The following HAPLN1 variants were observed in gnomAD, a reference collection of about 807,000 sequenced individuals.
The protein encoded by HAPLN1 is hyaluronan and proteoglycan link protein 1.
In HAPLN1, 13 loss-of-function variants were observed where a neutral mutation model predicts 36.5. That is an observed-to-expected ratio of 0.36 (90% confidence interval 0.23 to 0.57). The LOEUF is 0.57. Among genes scored for constraint, HAPLN1 ranks in the 20% least tolerant of loss-of-function variants. HAPLN1 has a pLI of 0.83. For synonymous variants in HAPLN1, 202 were observed against 169.8 expected (o/e 1.19, Z -1.48); for missense variants, 407 against 439.7 (o/e 0.93, Z 0.66).
chr5:83,645,479 T>C (rs1392641468), intron 3 of HAPLN1, among the ~76,000 whole-genome samples: 1 of 136,030 alleles, frequency 7.4e-6, no homozygotes. Flanking sequence ...TTCTTTCTTT[T>C]TTTTTTTTTT....
chr5:83,643,754 C>T (rs551605515), intron 4 of HAPLN1, among the ~76,000 whole-genome samples: 1 of 152,296 alleles, frequency 6.6e-6, no homozygotes, highest in Admixed American at 6.5e-5. Flanking sequence ...ACCCAGCCCA[C>T]ATTTTCATTT....
At chr5:83,703,981 T>C (rs561621565) in intron 1 of HAPLN1, among the ~76,000 whole-genome samples, 1 of 151,056 alleles carries the variant, frequency 6.6e-6, no homozygotes, top group Non-Finnish European at 1.5e-5. Context: ...AAAAAAAGAA[T>C]GTTAAAGACA....
At chr5:83,661,148 C>G in intron 2 of HAPLN1, among the ~76,000 whole-genome samples, 1 of 152,006 alleles carries the variant, frequency 6.6e-6, no homozygotes, top group East Asian at 1.9e-4. Context: ...ATTCTAGAAG[C>G]CTTTTTAAAC....
At chr5:83,687,182 G>A (rs980575722) in intron 1 of HAPLN1, among the ~76,000 whole-genome samples, 6 of 152,168 alleles carry the variant, frequency 3.9e-5, no homozygotes, top group African/African-American at 1.4e-4. Flanking sequence ...CAGTGCTGGT[G>A]TAGTCAAAAT....
chr5:83,694,742 G>A, intron 1 of HAPLN1, among the ~76,000 whole-genome samples: 1 of 152,014 alleles, frequency 6.6e-6, no homozygotes. Flanking sequence ...CAAATTTTTA[G>A]TTTAAAAATT....
At chr5:83,704,864 A>T (rs1280267908) in intron 1 of HAPLN1, among the ~76,000 whole-genome samples, 3 of 152,238 alleles carry the variant, frequency 2.0e-5, no homozygotes, top group Non-Finnish European at 4.4e-5. Flanking sequence ...GAAAATTAAC[A>T]AAGATATTTA....
At chr5:83,699,527 T>C (rs140517025) in intron 1 of HAPLN1, among the ~76,000 whole-genome samples, 2 of 152,316 alleles carry the variant, frequency 1.3e-5, no homozygotes, top group Admixed American at 6.5e-5. Flanking sequence ...TATGTTAAGA[T>C]CTAAACTCCA....
intron 1 of HAPLN1, among the ~76,000 whole-genome samples, chr5:83,696,117 A>C (rs1008600742): frequency 6.6e-6 from 1 of 152,196 alleles, no homozygotes; most frequent in African/African-American, 2.4e-5. Flanking sequence ...TTATATTTTT[A>C]TACACTGGCA....
chr5:83,716,454 C>G (rs945750441), intron 1 of HAPLN1, among the ~76,000 whole-genome samples: 1 of 152,126 alleles, frequency 6.6e-6, no homozygotes, highest in East Asian at 1.9e-4. Flanking sequence ...AGGTGTCACC[C>G]CTGTTAAGCC....
intron 1 of HAPLN1, 122 bp from the exon 2 acceptor site, chr5:83,673,671 T>G: frequency 1.6e-6 from 1 of 640,970 alleles, no homozygotes; most frequent in Non-Finnish European, 2.7e-6. Flanking sequence ...TAACCCAATC[T>G]GTTCAGAAAG....
At chr5:83,649,650 T>C (rs765472544) in intron 3 of HAPLN1, among the ~76,000 whole-genome samples, 17 of 152,130 alleles carry the variant, frequency 1.1e-4, no homozygotes, top group Non-Finnish European at 2.1e-4. Flanking sequence ...GGTTTCACCA[T>C]GTTGACCAGG....
intron 1 of HAPLN1, among the ~76,000 whole-genome samples, chr5:83,695,708 T>C (rs1379897749): frequency 6.7e-6 from 1 of 149,530 alleles, no homozygotes; most frequent in Non-Finnish European, 1.5e-5. Flanking sequence ...AGGAAAAGTA[T>C]TTCACATAAT....
chr5:83,681,461 A>G (rs1750997036), intron 1 of HAPLN1, among the ~76,000 whole-genome samples: 1 of 152,036 alleles, frequency 6.6e-6, no homozygotes, highest in South Asian at 2.1e-4. Context: ...AACAAATAAA[A>G]CAACTCTCAT....
chr5:83,641,415 TG>T lies in HAPLN1; in HGVS notation c.*80del. 7.5e-7 allele frequency: 1 copy of T among 1,327,570 alleles called. No homozygotes were observed. The highest frequency in any genetic ancestry group is 1.0e-6 in the Non-Finnish European group (1 of 973,432). The allele number at this position is 1,327,570 out of a possible 1,614,324, so 82.2% of individuals were successfully genotyped here. A position where few individuals can be genotyped will look rare whatever the true frequency, so the allele number is the denominator to read the frequency against. On this transcript the variant is annotated 3_prime_UTR_variant, in exon 5 of 5. Coordinates refer to ENST00000274341, the MANE Select transcript of HAPLN1 (RefSeq NM_001884.4). ...AAGGGTTATCACAGTTTTGGTAACT[TG>T]CATGAGTTCATATTGGAAAAAAAAA...
intron 1 of HAPLN1, among the ~76,000 whole-genome samples, chr5:83,698,590 G>C (rs1751443196): frequency 6.6e-6 from 1 of 152,086 alleles, no homozygotes; most frequent in African/African-American, 2.4e-5. Flanking sequence ...TCCCCTAGTA[G>C]TAGTTCATGA....
intron 2 of HAPLN1, among the ~76,000 whole-genome samples, chr5:83,656,916 C>T (rs755560574): frequency 6.6e-6 from 1 of 152,090 alleles, no homozygotes; most frequent in Non-Finnish European, 1.5e-5. Flanking sequence ...GACTTTTAAA[C>T]AATAGGACAA....
chr5:83,712,820 A>G (rs1468841504), intron 1 of HAPLN1, among the ~76,000 whole-genome samples: 3 of 151,600 alleles, frequency 2.0e-5, no homozygotes, highest in African/African-American at 4.8e-5. Flanking sequence ...AAGTTATTGA[A>G]TGATTGAATT....
At chr5:83,678,556 C>G (rs935195418) in intron 1 of HAPLN1, among the ~76,000 whole-genome samples, 7 of 152,074 alleles carry the variant, frequency 4.6e-5, no homozygotes, top group Admixed American at 4.6e-4. Flanking sequence ...TGGCTGTGGA[C>G]TTTGGATGAT....
intron 1 of HAPLN1, among the ~76,000 whole-genome samples, chr5:83,700,290 T>C (rs1304933366): frequency 6.6e-6 from 1 of 152,108 alleles, no homozygotes; most frequent in African/African-American, 2.4e-5. Context: ...ACTTTTCTTT[T>C]TAAAAGAGAA....
Sources: allele counts gnomAD v4.1 joint callset (sites outside exome capture counted in the v4.1 genomes callset), GRCh38; gene constraint gnomAD v4.1.1; transcripts MANE v1.5; gene names NCBI Gene and HGNC (gene_info 2026-07-23, HGNC 2026-07-21).